The following INPP4B variants were observed in gnomAD, a reference collection of about 807,000 sequenced individuals.
INPP4B encodes inositol polyphosphate 4-phosphatase type II.
In INPP4B, 55 loss-of-function variants were observed where a neutral mutation model predicts 122.5. The observed-to-expected ratio is 0.45, with a 90% CI of 0.36 to 0.56. INPP4B has a LOEUF of 0.56. Ranked by LOEUF, INPP4B falls within the 20% of genes least tolerant of loss-of-function variation. The pLI, the probability that INPP4B is intolerant of heterozygous loss-of-function variation, is 0.00. For missense variants in INPP4B, 1,000 were observed against 1,097.7 expected (o/e 0.91, Z 1.26); for synonymous variants, 403 against 388.7 (o/e 1.04, Z -0.43).
chr4:142,300,341 C>T (rs547174898), intron 9 of INPP4B, among the ~76,000 whole-genome samples: 6 of 152,244 alleles, frequency 3.9e-5, no homozygotes, highest in Non-Finnish European at 5.9e-5. Context: ...GTTAAGAATG[C>T]GCCTTTGGAA....
At chr4:142,800,248 C>T (rs1208337606) in intron 1 of INPP4B, among the ~76,000 whole-genome samples, 3 of 152,066 alleles carry the variant, frequency 2.0e-5, no homozygotes, top group Non-Finnish European at 2.9e-5. Context: ...TAGCAATCTC[C>T]TTTCTCCCAA....
intron 1 of INPP4B, among the ~76,000 whole-genome samples, chr4:142,740,453 T>G (rs1258889685): frequency 6.6e-6 from 1 of 151,986 alleles, no homozygotes; most frequent in Non-Finnish European, 1.5e-5. Flanking sequence ...AAAAGCACTT[T>G]TGAATTTTAA....
intron 2 of INPP4B, among the ~76,000 whole-genome samples, chr4:142,653,311 G>C (rs543910698): frequency 2.6e-5 from 4 of 152,132 alleles, no homozygotes; most frequent in Admixed American, 6.5e-5. Context: ...ACATAGGCAT[G>C]GGCAAGGACT....
intron 21 of INPP4B, among the ~76,000 whole-genome samples, chr4:142,117,339 C>G (rs1264997877): frequency 1.3e-5 from 2 of 152,074 alleles, no homozygotes; most frequent in Admixed American, 6.6e-5. Context: ...GATACCAAAG[C>G]CTGGCAGAGA....
chr4:142,400,177 T>G (rs1360681488), intron 7 of INPP4B, among the ~76,000 whole-genome samples: 2 of 152,208 alleles, frequency 1.3e-5, no homozygotes, highest in African/African-American at 4.8e-5. Flanking sequence ...AGTAACGTGT[T>G]TATTTCACCG....
intron 5 of INPP4B, among the ~76,000 whole-genome samples, chr4:142,407,235 G>A (rs145928207): frequency 2.0e-5 from 3 of 152,014 alleles, no homozygotes; most frequent in East Asian, 1.9e-4. Flanking sequence ...CTCTTTTTCC[G>A]TTTCCTGATA....
chr4:142,211,241 T>G (rs1013229764), intron 12 of INPP4B, among the ~76,000 whole-genome samples: 27 of 152,166 alleles, frequency 1.8e-4, no homozygotes, highest in Middle Eastern at 3.4e-3. Flanking sequence ...ACTGCATTTT[T>G]TAAAAAGGAA....
intron 7 of INPP4B, among the ~76,000 whole-genome samples, chr4:142,366,193 C>T (rs532501198): frequency 7.9e-5 from 12 of 152,076 alleles, no homozygotes; most frequent in Non-Finnish European, 1.5e-4. Context: ...AGATCCACCC[C>T]CTGCCTGCAA....
chr4:142,455,657 T>G (rs1815253181), intron 3 of INPP4B, among the ~76,000 whole-genome samples: 1 of 152,090 alleles, frequency 6.6e-6, no homozygotes, highest in Non-Finnish European at 1.5e-5. Flanking sequence ...TTTTCTTTCT[T>G]GTGGGTATAT....
intron 2 of INPP4B, among the ~76,000 whole-genome samples, chr4:142,599,622 A>C (rs1275429811): frequency 6.6e-6 from 1 of 152,164 alleles, no homozygotes; most frequent in African/African-American, 2.4e-5. Flanking sequence ...GAAGCATTAA[A>C]AAGCAAGAAA....
intron 1 of INPP4B, among the ~76,000 whole-genome samples, chr4:142,757,588 C>G (rs1770686404): frequency 6.6e-6 from 1 of 152,062 alleles, no homozygotes; most frequent in Non-Finnish European, 1.5e-5. Flanking sequence ...TTTAAGCTTC[C>G]TCCGTGTCTT....
intron 7 of INPP4B, among the ~76,000 whole-genome samples, chr4:142,398,432 ATATATATATATAT>A (rs1422018516): frequency 1.0e-3 from 88 of 86,216 alleles, no homozygotes; most frequent in African/African-American, 3.1e-3. Flanking sequence ...ATATATATAT[ATATATATATATAT>A]AAAACATATT....
At position 142,082,067 on chromosome 4, in the gene INPP4B, T is replaced by G. The variant is rs755610009; in HGVS notation, c.2606A>C (p.Lys869Thr). The change falls in exon 25 of 26, where the codon AAG becomes ACG. Residue 869 changes from lysine to threonine, a missense_variant. Physicochemically the swap from Lys to Thr is moderately conservative, Grantham distance 78. Transcript: ENST00000262992. ...ATCCAGCGCTCGGATAAAGAAGTCC[T>G]TGTGTAACTGGTGCTCATCTCTCAA... ...SILRDEHQLH[K>T]DFFIRALDCM... 1 of 1,480,124 alleles carries G rather than the reference T, an allele frequency of 6.8e-7. No homozygotes were observed. Among genetic ancestry groups the G allele is most frequent in the South Asian group, 1.5e-5 (1 of 67,326 alleles). The allele number at this position is 1,480,124 out of a possible 1,614,324, so 91.7% of individuals were successfully genotyped here. A position where few individuals can be genotyped will look rare whatever the true frequency, so the allele number is the denominator to read the frequency against.
intron 5 of INPP4B, among the ~76,000 whole-genome samples, chr4:142,412,307 T>G (rs1474195626): frequency 6.6e-6 from 1 of 152,164 alleles, no homozygotes. Context: ...ATTAGTATAA[T>G]ATGCTTTTCT....
chr4:142,293,200 G>A (rs556692139), intron 9 of INPP4B, among the ~76,000 whole-genome samples: 6 of 151,850 alleles, frequency 4.0e-5, no homozygotes, highest in Admixed American at 1.3e-4. Context: ...CACCACGCCC[G>A]GCTGATTTTT....
At chr4:142,443,670 A>T (rs1252025833) in intron 3 of INPP4B, among the ~76,000 whole-genome samples, 1 of 152,144 alleles carries the variant, frequency 6.6e-6, no homozygotes, top group Non-Finnish European at 1.5e-5. Flanking sequence ...GCTACCTCCC[A>T]CCAGAGGGGG....
At chr4:142,249,993 TCTG>T (rs1731133828) in intron 11 of INPP4B, among the ~76,000 whole-genome samples, 1 of 152,232 alleles carries the variant, frequency 6.6e-6, no homozygotes, top group African/African-American at 2.4e-5. Flanking sequence ...TAGAGATAAG[TCTG>T]CTTTTTAACA....
intron 2 of INPP4B, among the ~76,000 whole-genome samples, chr4:142,471,348 C>G (rs1560695668): frequency 1.3e-5 from 2 of 152,048 alleles, no homozygotes; most frequent in Non-Finnish European, 1.5e-5. Flanking sequence ...AGTCTAAATG[C>G]AAATACGTCA....
chr4:142,112,789 A>T, intron 21 of INPP4B, 107 bp from the exon 22 acceptor site: 1 of 1,028,790 alleles, frequency 9.7e-7, no homozygotes, highest in Non-Finnish European at 1.4e-6. Context: ...GCACTGATTT[A>T]GGTTTCTGTT....
Sources: gnomAD v4.1 joint callset for allele counts (sites outside exome capture counted in the v4.1 genomes callset) on GRCh38, gnomAD v4.1.1 for gene constraint, MANE v1.5 for transcripts, NCBI Gene and HGNC (gene_info 2026-07-23, HGNC 2026-07-21) for gene names.